The following PTPRD variants were observed in gnomAD, a reference collection of about 807,000 sequenced individuals.
PTPRD encodes the protein receptor-type tyrosine-protein phosphatase delta.
PTPRD carries 34 observed loss-of-function variants against 214.5 expected under a neutral mutation model. That is an observed-to-expected ratio of 0.16 (90% CI 0.12 to 0.21). The LOEUF (loss-of-function observed/expected upper bound fraction) is 0.21. Ranked by LOEUF, PTPRD falls within the 10% of genes least tolerant of loss-of-function variation. The pLI is 1.00. For missense variants in PTPRD, 2,545 were observed against 2,398.7 expected, an observed-to-expected ratio of 1.06 and a Z score of -1.27; for synonymous variants, 1,128 against 845.7, an observed-to-expected ratio of 1.33 and a Z score of -5.79.
chr9:10,115,087 C>G lies in PTPRD; in HGVS notation c.-544-81297G>C, dbSNP rs78656945. On this transcript the variant is annotated intron_variant, in intron 3 of 45. Transcript: ENST00000381196. ...AAGTGCTATCTCTCACAGCCTGTGG[C>G]AAGGACAAGGTTTAGGTCAATGCCT... Among the ~76,000 whole-genome samples, 407 of 151,312 alleles carry G rather than the reference C, an allele frequency of 2.7e-3. 2 individuals are homozygous for G. Among genetic ancestry groups the G allele is most frequent in the Admixed American group, 5.3e-3 (81 of 15,162 alleles).
At chr9:8,331,358 AATTTTTTGGGGGATAAAC>A (rs1467070485) in intron 44 of PTPRD, among the ~76,000 whole-genome samples, 8 of 152,146 alleles carry the variant, frequency 5.3e-5, no homozygotes, top group Non-Finnish European at 8.8e-5. Context: ...ATAGGAAGCA[AATTTTTTGGGGGATAAAC>A]ATTTTTTTGG....
At chr9:9,010,601 T>A (rs1225892859) in intron 11 of PTPRD, among the ~76,000 whole-genome samples, 4 of 152,212 alleles carry the variant, frequency 2.6e-5, no homozygotes, top group Non-Finnish European at 4.4e-5. Context: ...GAGGTTAGGT[T>A]CTTACTGAGT....
intron 21 of PTPRD, among the ~76,000 whole-genome samples, chr9:8,514,697 C>T (rs1319133730): frequency 6.6e-6 from 1 of 152,130 alleles, no homozygotes; most frequent in African/African-American, 2.4e-5. Context: ...TGAATACCTA[C>T]ACTGGCATAA....
At chr9:10,398,004 C>T (rs2154494329) in intron 2 of PTPRD, among the ~76,000 whole-genome samples, 1 of 151,862 alleles carries the variant, frequency 6.6e-6, no homozygotes, top group Non-Finnish European at 1.5e-5. Flanking sequence ...TTGTATGCAT[C>T]ATCCATTGTT....
At chr9:9,668,974 G>GA (rs562659511) in intron 7 of PTPRD, among the ~76,000 whole-genome samples, 16 of 151,568 alleles carry the variant, frequency 1.1e-4, no homozygotes, top group African/African-American at 2.4e-4. Context: ...ACTGTAGTGG[G>GA]AAAAAAAAGT....
intron 14 of PTPRD, among the ~76,000 whole-genome samples, chr9:8,619,612 C>G (rs375550995): frequency 6.6e-6 from 1 of 151,930 alleles, no homozygotes; most frequent in South Asian, 2.1e-4. Flanking sequence ...TTTTCACAAC[C>G]ATTCAGCTCT....
rs75364342 is a variant in PTPRD, at chr9:9,115,254, T to C, written c.-143+68050A>G. ...GGGTATGTTCCTAATTGTAGAGGGT[T>C]TCATTTGGGATGCTTTTTACTTACG... On this transcript the variant is annotated intron_variant, in intron 10 of 45. Transcript: ENST00000381196. Among the ~76,000 whole-genome samples the C allele has an allele frequency of 3.3e-3, 498 of 152,220 alleles. 2 individuals carry two copies. The highest frequency in any genetic ancestry group is 0.011 in the African/African-American group (474 of 41,562).
chr9:9,391,415 C>G (rs1188705973), intron 9 of PTPRD, among the ~76,000 whole-genome samples: 2 of 152,114 alleles, frequency 1.3e-5, no homozygotes, highest in Non-Finnish European at 2.9e-5. Flanking sequence ...ATGAATGCCA[C>G]TAGGTAAGAC....
intron 2 of PTPRD, among the ~76,000 whole-genome samples, chr9:10,509,528 A>G (rs1428807566): frequency 8.6e-6 from 1 of 116,530 alleles, no homozygotes; most frequent in African/African-American, 3.4e-5. Context: ...TGACTTACCT[A>G]TAATAAATAT....
In PTPRD at chr9:10,093,711, G is replaced by A. The variant is rs545123134; in HGVS notation, c.-544-59921C>T. Among the ~76,000 whole-genome samples, 648 of 151,478 alleles carry A rather than the reference G, an allele frequency of 4.3e-3. 11 individuals are homozygous for A. Among genetic ancestry groups the A allele is most frequent in the Non-Finnish European group, 5.5e-3 (370 of 67,562 alleles). The stretch of plus-strand genomic sequence containing the variant: ...TCAACCCAGGTGCCCATCTATGGTG[G>A]ATCGGATAAACAAAATTTGATACAT... On this transcript the variant is annotated intron_variant, in intron 3 of 45. Coordinates refer to ENST00000381196, the MANE Select transcript of PTPRD (RefSeq NM_002839.4).
intron 33 of PTPRD, 82 bp from the exon 34 acceptor site, chr9:8,449,919 C>G: frequency 7.8e-7 from 1 of 1,286,784 alleles, no homozygotes. Flanking sequence ...CACCTGCACT[C>G]CCCCCACCTC....
chr9:10,341,384 T>C (rs978442727), intron 2 of PTPRD, among the ~76,000 whole-genome samples: 1 of 151,992 alleles, frequency 6.6e-6, no homozygotes, highest in Non-Finnish European at 1.5e-5. Context: ...CTGAAAATTA[T>C]AAAGTGAAAT....
intron 11 of PTPRD, among the ~76,000 whole-genome samples, chr9:8,869,201 G>C (rs1032804938): frequency 6.6e-6 from 1 of 152,140 alleles, no homozygotes; most frequent in African/African-American, 2.4e-5. Flanking sequence ...TACTACTTCT[G>C]AGAGAGAAAG....
In PTPRD at chr9:10,297,335, C is replaced by T. The variant is rs183008223; in HGVS notation, c.-545+43628G>A. ...AAAAATAAATTACAAGAAACTGTAC[C>T]ATTTTGTCCTTCAATTTTGTATATC... On this transcript the variant is annotated intron_variant, in intron 3 of 45. Transcript: ENST00000381196. Among the ~76,000 whole-genome samples the T allele has an allele frequency of 8.2e-3, 1,241 of 151,666 alleles. 2 individuals are homozygous for T. The highest frequency in any genetic ancestry group is 0.011 in the Non-Finnish European group (745 of 67,894).
At chr9:9,317,006 T>C (rs550067130) in intron 9 of PTPRD, among the ~76,000 whole-genome samples, 1 of 152,310 alleles carries the variant, frequency 6.6e-6, no homozygotes, top group East Asian at 1.9e-4. Flanking sequence ...CCTTCTCTCC[T>C]TCAAGGAAAG....
At chr9:10,548,667 C>A (rs1332421096) in intron 2 of PTPRD, among the ~76,000 whole-genome samples, 3 of 152,148 alleles carry the variant, frequency 2.0e-5, no homozygotes, top group Admixed American at 6.6e-5. Context: ...AAAGTGGTAG[C>A]ACTGAGTTTC....
At chr9:10,034,740 C>G (rs2097147283) in intron 3 of PTPRD, among the ~76,000 whole-genome samples, 2 of 152,000 alleles carry the variant, frequency 1.3e-5, no homozygotes, top group Admixed American at 1.3e-4. Flanking sequence ...CCAACAAAGT[C>G]CTGCACAGGA....
At chr9:9,870,513 A>G (rs571868667) in intron 5 of PTPRD, among the ~76,000 whole-genome samples, 1 of 152,040 alleles carries the variant, frequency 6.6e-6, no homozygotes, top group African/African-American at 2.4e-5. Flanking sequence ...ACCTTTTTTG[A>G]TTATAATGTA....
chr9:8,800,389 T>G (rs1167822919), intron 11 of PTPRD, among the ~76,000 whole-genome samples: 2 of 152,126 alleles, frequency 1.3e-5, no homozygotes, highest in East Asian at 3.9e-4. Context: ...GAAGGCATTC[T>G]AAGTCACGGG....
Sources: gnomAD v4.1 joint callset for allele counts (sites outside exome capture counted in the v4.1 genomes callset) on GRCh38, gnomAD v4.1.1 for gene constraint, MANE v1.5 for transcripts, NCBI Gene and HGNC (gene_info 2026-07-23, HGNC 2026-07-21) for gene names.